The following FMN2 variants were observed in gnomAD, a reference collection of about 807,000 sequenced individuals.
FMN2 encodes the protein formin-2.
FMN2 carries 51 observed loss-of-function variants against 142.3 expected under a neutral mutation model. That is an observed-to-expected ratio of 0.36 (90% CI 0.29 to 0.45). The LOEUF is 0.45. Ranked by LOEUF, FMN2 falls within the 20% of genes least tolerant of loss-of-function variation. FMN2 has a pLI of 1.00. For synonymous variants in FMN2, 882 were observed against 869.8 expected (o/e 1.01, Z -0.25); for missense variants, 1,936 against 2,122.8 (o/e 0.91, Z 1.73).
At chr1:240,155,672 T>C (rs1359607837) in intron 2 of FMN2, among the ~76,000 whole-genome samples, 1 of 152,182 alleles carries the variant, frequency 6.6e-6, no homozygotes, top group African/African-American at 2.4e-5. Context: ...AAATAATTCA[T>C]TTTGGTGACT....
chr1:240,243,450 TG>T (rs1472804845), intron 6 of FMN2, among the ~76,000 whole-genome samples: 1 of 152,186 alleles, frequency 6.6e-6, no homozygotes, highest in Admixed American at 6.5e-5. Flanking sequence ...GGCCAATGTA[TG>T]GGTTGTTCTC....
Position 240,412,690 on chromosome 1 carries a change from A to C in FMN2, c.4910+20128A>C, listed in dbSNP as rs572935182. On this transcript the variant is annotated intron_variant, in intron 15 of 17. Coordinates refer to ENST00000319653, the MANE Select transcript of FMN2 (RefSeq NM_020066.5). ...TTATAGGAATACAGTGGTTGGGAAC[A>C]GCACTGGAAGACCAGACATAGGGAG... Among the ~76,000 whole-genome samples the C allele has an allele frequency of 6.6e-5, 10 of 152,330 alleles. No homozygotes were observed. The East Asian group carries it at 1.5e-3, about 24-fold the overall frequency.
intron 6 of FMN2, among the ~76,000 whole-genome samples, chr1:240,250,620 C>T (rs927183242): frequency 6.6e-6 from 1 of 152,034 alleles, no homozygotes; most frequent in Admixed American, 6.6e-5. Context: ...GGAGCATTCC[C>T]TTCTCTTCTA....
intron 6 of FMN2, among the ~76,000 whole-genome samples, chr1:240,241,435 T>C (rs1558388254): frequency 6.6e-6 from 1 of 152,314 alleles, no homozygotes; most frequent in South Asian, 2.1e-4. Flanking sequence ...TGTTGTGTTA[T>C]GGCAGAGGTG....
intron 1 of FMN2, among the ~76,000 whole-genome samples, chr1:240,101,269 T>G (rs1399452278): frequency 6.6e-6 from 1 of 152,172 alleles, no homozygotes; most frequent in Non-Finnish European, 1.5e-5. Flanking sequence ...ATATGGTGAT[T>G]CCAGCAGGTA....
intron 6 of FMN2, among the ~76,000 whole-genome samples, chr1:240,213,706 A>T (rs546877122): frequency 7.9e-5 from 12 of 152,218 alleles, no homozygotes; most frequent in Admixed American, 7.2e-4. Context: ...ATTTCAAGCA[A>T]TTCTTCTTAT....
At chr1:240,341,975 G>C (rs1194385071) in intron 13 of FMN2, among the ~76,000 whole-genome samples, 2 of 152,182 alleles carry the variant, frequency 1.3e-5, no homozygotes, top group Non-Finnish European at 2.9e-5. Context: ...TGGGAGACCA[G>C]TTACCACTCT....
chr1:240,110,278 C>T lies in FMN2; in HGVS notation c.1616-12901C>T, dbSNP rs141201794. On this transcript the variant is annotated intron_variant, in intron 1 of 17. Coordinates refer to ENST00000319653, the MANE Select transcript of FMN2 (RefSeq NM_020066.5). ...CTGCCACTTTCTAATCTTATGACTT[C>T]GGGCAGACTCTAGAACCTTTTCATT... is the stretch of plus-strand genomic sequence containing the variant. Among the ~76,000 whole-genome samples the T allele has an allele frequency of 3.2e-4, 48 of 152,180 alleles. No individual in the cohort carries two copies. In the East Asian group the frequency reaches 6.8e-3, roughly 22 times the overall value.
intron 7 of FMN2, among the ~76,000 whole-genome samples, chr1:240,269,911 A>T (rs1055970360): frequency 1.4e-4 from 21 of 152,130 alleles, no homozygotes; most frequent in Admixed American, 1.2e-3. Context: ...TGAATTTATC[A>T]GTTCTAACAG....
chr1:240,206,683 G>A (rs1377634527), intron 4 of FMN2, 116 bp from the exon 5 acceptor site: 1 of 1,243,592 alleles, frequency 8.0e-7, no homozygotes, highest in East Asian at 2.5e-5. Flanking sequence ...CCATCTTTCT[G>A]TCAAGGAGTC....
chr1:240,337,741 A>G (rs1671612568), intron 13 of FMN2, among the ~76,000 whole-genome samples: 1 of 152,170 alleles, frequency 6.6e-6, no homozygotes, highest in African/African-American at 2.4e-5. Context: ...TAGAGACTTG[A>G]TTTTTATTTC....
chr1:240,474,111 G>T lies in FMN2; in HGVS notation c.5143-17G>T. On this transcript the variant is annotated splice_polypyrimidine_tract_variant and intron_variant, in intron 17 of 17. Coordinates refer to ENST00000319653, the MANE Select transcript of FMN2 (RefSeq NM_020066.5). ...TTCTTTCTAACTAAAACTTTTATCT[G>T]GTGTATTTGTTTTCAGAAAGCAAAG... 1 of 1,556,786 alleles carries T rather than the reference G, an allele frequency of 6.4e-7. No homozygotes were observed.
intron 13 of FMN2, among the ~76,000 whole-genome samples, chr1:240,350,943 A>T (rs997899182): frequency 2.6e-5 from 4 of 152,216 alleles, no homozygotes; most frequent in African/African-American, 9.7e-5. Context: ...TGACAGGAAG[A>T]TACAATGAAA....
At chr1:240,343,477 C>G (rs1373175018) in intron 13 of FMN2, among the ~76,000 whole-genome samples, 1 of 152,096 alleles carries the variant, frequency 6.6e-6, no homozygotes, top group Non-Finnish European at 1.5e-5. Context: ...TGCGCAGAAC[C>G]CTTCAGGGAA....
At chr1:240,185,659 G>A (rs1665415034) in intron 3 of FMN2, among the ~76,000 whole-genome samples, 1 of 152,248 alleles carries the variant, frequency 6.6e-6, no homozygotes, top group Middle Eastern at 3.4e-3. Context: ...CCAGTTACCG[G>A]GTCAAGGACT....
At chr1:240,270,253 G>T (rs1490867572) in intron 7 of FMN2, among the ~76,000 whole-genome samples, 1 of 152,028 alleles carries the variant, frequency 6.6e-6, no homozygotes, top group Non-Finnish European at 1.5e-5. Flanking sequence ...AGTTTGCCAA[G>T]GATGTGGGGA....
intron 1 of FMN2, among the ~76,000 whole-genome samples, chr1:240,103,148 G>A (rs1251407244): frequency 2.0e-5 from 3 of 152,186 alleles, no homozygotes; most frequent in Admixed American, 2.0e-4. Context: ...TTTCAGGCAT[G>A]AGCCACTGCT....
At position 240,411,567 on chromosome 1, in the gene FMN2, T is replaced by C. The variant is rs1674390842; in HGVS notation, c.4910+19005T>C. Among the ~76,000 whole-genome samples, 3 of 146,254 alleles carry C rather than the reference T, an allele frequency of 2.1e-5. No individual in the cohort carries two copies. The South Asian group carries it at 6.5e-4, about 32-fold the overall frequency. On this transcript the variant is annotated intron_variant, in intron 15 of 17. Transcript: ENST00000319653. ...GCCTGGGTGACAGAGTGAGACTCCATCTCAAAAAAAAAAAAAAAGTCTAAC... is the reference window on the plus strand; with the variant it reads ...GCCTGGGTGACAGAGTGAGACTCCACCTCAAAAAAAAAAAAAAAGTCTAAC...
At chr1:240,361,458 C>G (rs1314791028) in intron 14 of FMN2, among the ~76,000 whole-genome samples, 6 of 151,936 alleles carry the variant, frequency 3.9e-5, no homozygotes, top group Non-Finnish European at 7.4e-5. Flanking sequence ...AATGAGAAAG[C>G]CTTGGACTAA....
Sources: gnomAD v4.1 joint callset for allele counts (sites outside exome capture counted in the v4.1 genomes callset) on GRCh38, gnomAD v4.1.1 for gene constraint, MANE v1.5 for transcripts, NCBI Gene and HGNC (gene_info 2026-07-23, HGNC 2026-07-21) for gene names.